The following CDC16 variants were observed in gnomAD, a reference collection of about 807,000 sequenced individuals.
CDC16 encodes the protein cell division cycle protein 16 homolog.
In CDC16, 34 loss-of-function variants were observed where a neutral mutation model predicts 87.0. That is an observed-to-expected ratio of 0.39 (90% CI 0.30 to 0.52). CDC16 has a LOEUF of 0.52. Among genes scored for constraint, CDC16 ranks in the 20% least tolerant of loss-of-function variants. CDC16 has a pLI of 0.74. For synonymous variants in CDC16, 263 were observed against 260.6 expected (o/e 1.01, Z -0.09); for missense variants, 653 against 751.9 (o/e 0.87, Z 1.54).
At chr13:114,240,704 TTAGA>T (rs1051018554) in intron 5 of CDC16, among the ~76,000 whole-genome samples, 5 of 152,166 alleles carry the variant, frequency 3.3e-5, no homozygotes, top group African/African-American at 1.2e-4. Context: ...ACTTTTCACC[TTAGA>T]TAGTTATTTT....
At position 114,246,938 on chromosome 13, in the gene CDC16, G is replaced by T; in HGVS notation, c.905G>T (p.Trp302Leu). 1 of 1,610,226 alleles carries T rather than the reference G, an allele frequency of 6.2e-7. No individual in the cohort carries two copies. Among genetic ancestry groups the T allele is most frequent in the Non-Finnish European group, 8.5e-7 (1 of 1,176,670 alleles). The change falls in exon 11 of 18, where the codon TGG (tryptophan) becomes TTG (leucine). Residue 302 changes from tryptophan to leucine, a missense_variant. Trp to Leu is a moderately conservative substitution (Grantham distance 61, BLOSUM62 -2). Transcript: ENST00000356221. Reference sequence around the variant, plus strand: ...AAATTTTGAACTTTTTAGGTGTCTTGGTTTGCAGTGGGATGTTACTATCTC... The same window carrying T: ...AAATTTTGAACTTTTTAGGTGTCTTTGTTTGCAGTGGGATGTTACTATCTC... Reference protein sequence around the residue: ...VDLYPSNPVSWFAVGCYYLMV... With the variant: ...VDLYPSNPVSLFAVGCYYLMV...
At chr13:114,239,621 C>A in intron 5 of CDC16, 131 bp downstream of exon 5, 3 of 1,246,896 alleles carry the variant, frequency 2.4e-6, no homozygotes, top group African/African-American at 1.5e-5. Context: ...TTTAATTTGC[C>A]CACCAAAACC....
intron 17 of CDC16, among the ~76,000 whole-genome samples, chr13:114,268,413 C>A (rs1308927209): frequency 6.6e-6 from 1 of 152,176 alleles, no homozygotes; most frequent in East Asian, 1.9e-4. Context: ...TGAAAGTATA[C>A]TCCACAGAGT....
At position 114,239,355 on chromosome 13, in the gene CDC16, T is replaced by C; in HGVS notation, c.246T>C (p.Ala82=). The C allele has an allele frequency of 6.2e-7, 1 of 1,605,456 alleles. No individual in the cohort carries two copies. The highest frequency in any genetic ancestry group is 1.3e-5 in the African/African-American group (1 of 74,822). The change falls in exon 5 of 18, where the codon GCT becomes GCC. Residue 82 remains alanine (A), a synonymous_variant. Transcript: ENST00000356221. ...CRYLAARCHY[A]AKEHQQALDV... ...CACTTCTGTTTTCCACGTAGTATGC[T>C]GCAAAAGAGCACCAGCAGGCCCTTG...
chr13:114,237,781 G>A (rs1566631535), intron 3 of CDC16, among the ~76,000 whole-genome samples: 1 of 152,044 alleles, frequency 6.6e-6, no homozygotes, highest in Non-Finnish European at 1.5e-5. Context: ...TTCTGTTACA[G>A]CCTCTCTTCT....
intron 1 of CDC16, among the ~76,000 whole-genome samples, chr13:114,235,513 A>T (rs1335981806): frequency 1.3e-5 from 2 of 152,210 alleles, no homozygotes; most frequent in Non-Finnish European, 2.9e-5. Flanking sequence ...TGTAATTTTT[A>T]CTGGGCTGAA....
At chr13:114,237,390 A>G (rs865873544) in intron 3 of CDC16, among the ~76,000 whole-genome samples, 1 of 151,792 alleles carries the variant, frequency 6.6e-6, no homozygotes, top group African/African-American at 2.4e-5. Context: ...CCTGAGTTCA[A>G]GTGATCCTTC....
At chr13:114,248,366 C>T (rs1288316844) in intron 11 of CDC16, among the ~76,000 whole-genome samples, 1 of 152,164 alleles carries the variant, frequency 6.6e-6, no homozygotes, top group African/African-American at 2.4e-5. Flanking sequence ...GTTAATTTCT[C>T]CTGCTCTCTC....
chr13:114,262,593 A>G (rs1284880914), intron 15 of CDC16, among the ~76,000 whole-genome samples: 1 of 152,234 alleles, frequency 6.6e-6, no homozygotes, highest in Non-Finnish European at 1.5e-5. Flanking sequence ...GGGCACAGCC[A>G]GGAGGCATGG....
At chr13:114,270,087 C>T (rs778394079) in intron 17 of CDC16, among the ~76,000 whole-genome samples, 7 of 152,136 alleles carry the variant, frequency 4.6e-5, no homozygotes, top group Admixed American at 6.6e-5. Context: ...AGTTCATTCT[C>T]GCATTGCTGT....
chr13:114,243,148 G>A (rs2138905281), intron 6 of CDC16, 109 bp from the exon 7 acceptor site: 1 of 628,372 alleles, frequency 1.6e-6, no homozygotes, highest in Middle Eastern at 4.1e-4. Context: ...GTTCTCTTTT[G>A]AGTTTGATTT....
chr13:114,235,866 C>T (rs907029920), intron 1 of CDC16, among the ~76,000 whole-genome samples: 3 of 152,152 alleles, frequency 2.0e-5, no homozygotes, highest in Non-Finnish European at 4.4e-5. Flanking sequence ...GTTTTCTGAT[C>T]ACTTTTTCTT....
intron 17 of CDC16, among the ~76,000 whole-genome samples, chr13:114,268,141 G>C (rs985142000): frequency 6.6e-6 from 1 of 152,182 alleles, no homozygotes; most frequent in Non-Finnish European, 1.5e-5. Context: ...GAAAGGGGGG[G>C]GAGTTCCCCT....
intron 12 of CDC16, among the ~76,000 whole-genome samples, chr13:114,253,253 TGA>T (rs901724198): frequency 3.3e-5 from 5 of 152,258 alleles, no homozygotes; most frequent in African/African-American, 1.2e-4. Context: ...ATTTCTTTTT[TGA>T]GTCATTGGTT....
At chr13:114,258,558 GTAT>G (rs2082647291) in intron 13 of CDC16, among the ~76,000 whole-genome samples, 2 of 152,208 alleles carry the variant, frequency 1.3e-5, no homozygotes, top group South Asian at 4.1e-4. Context: ...GGAAACACAT[GTAT>G]TAGAGAAGCT....
chr13:114,263,721 C>T (rs2083003414), intron 16 of CDC16, among the ~76,000 whole-genome samples: 1 of 152,230 alleles, frequency 6.6e-6, no homozygotes, highest in Non-Finnish European at 1.5e-5. Flanking sequence ...CTCCCAGCCA[C>T]AGACACCTGC....
At chr13:114,259,713 C>A (rs1243434266) in intron 14 of CDC16, among the ~76,000 whole-genome samples, 1 of 152,190 alleles carries the variant, frequency 6.6e-6, no homozygotes, top group South Asian at 2.1e-4. Flanking sequence ...CAATTGGGCA[C>A]TGTAGCGTCA....
Position 114,257,169 on chromosome 13 carries a change from AT to A in CDC16, c.1191del (p.Ile397MetfsTer43). On this transcript the variant is annotated frameshift_variant, in exon 13 of 18. Coordinates refer to ENST00000356221, the MANE Select transcript of CDC16 (RefSeq NM_001078645.3). LOFTEE classifies it high-confidence loss of function. ...AERFFSQALS[I>X]APEDPFVMHE... ...AAGGTTCTTCAGCCAAGCTCTGAGC[AT>A]TGCACCGGAAGACCCTTTTGTTATG... The A allele has an allele frequency of 1.9e-6, 3 of 1,613,616 alleles. No homozygotes were observed. The highest frequency in any genetic ancestry group is 1.3e-5 in the African/African-American group (1 of 75,048).
At chr13:114,257,790 T>G (rs1208480273) in intron 13 of CDC16, among the ~76,000 whole-genome samples, 4 of 152,264 alleles carry the variant, frequency 2.6e-5, no homozygotes, top group South Asian at 2.1e-4. Context: ...TTTTGGTTTT[T>G]GTTTTTGTTT....
Sources: allele counts gnomAD v4.1 joint callset (sites outside exome capture counted in the v4.1 genomes callset), GRCh38; gene constraint gnomAD v4.1.1; transcripts MANE v1.5; gene names NCBI Gene and HGNC (gene_info 2026-07-23, HGNC 2026-07-21).